Variants in DOK1 observed in about 807,000 individuals in gnomAD.
DOK1 encodes Downstream of tyrosine kinase 1.
A neutral mutation model predicts 24.0 loss-of-function variants in DOK1; 12 were observed. The observed-to-expected ratio is 0.50, with a 90% CI of 0.32 to 0.81. The LOEUF is 0.81. Ranked by LOEUF, DOK1 falls within the 30% of genes least tolerant of loss-of-function variation. The probability of loss-of-function intolerance (pLI) is 0.03; values close to 1 mark genes in which losing one functional copy is unlikely to be tolerated. For synonymous variants in DOK1, 250 were observed against 260.9 expected (o/e 0.96, Z 0.40); for missense variants, 591 against 620.7 (o/e 0.95, Z 0.51).
chr2:74,553,472 G>A (rs1335579531), upstream of DOK1, among the ~76,000 whole-genome samples: 1 of 152,182 alleles, frequency 6.6e-6, no homozygotes, highest in Non-Finnish European at 1.5e-5. Context: ...CCCTGTCACC[G>A]GGCAACGGGA....
upstream of DOK1, chr2:74,552,453 T>C: frequency 6.2e-7 from 1 of 1,613,858 alleles, no homozygotes; most frequent in Non-Finnish European, 8.5e-7. Flanking sequence ...ACCAGCTCGC[T>C]GTATCTCCAC....
chr2:74,549,338 C>T lies in DOK1; in HGVS notation c.-358+166C>T. On this transcript the variant is annotated intron_variant, in intron 1 of 4. Coordinates refer to the DOK1 transcript ENST00000409429. The surrounding 1 kb of genome is among the most constrained non-coding windows in gnomAD (Gnocchi z 5.3). ...TCATCAGGGAGCACCCCAATCCCGGCCTGCTCCGCCCGGCGCCCGCGGCCC... is the reference window on the plus strand; with the variant it reads ...TCATCAGGGAGCACCCCAATCCCGGTCTGCTCCGCCCGGCGCCCGCGGCCC... The T allele has an allele frequency of 6.5e-7, 1 of 1,538,550 alleles. No homozygotes were observed. Among genetic ancestry groups the T allele is most frequent in the Admixed American group, 2.0e-5 (1 of 50,930 alleles).
upstream of DOK1, chr2:74,554,493 C>A: frequency 3.6e-6 from 2 of 551,634 alleles, no homozygotes; most frequent in Non-Finnish European, 6.4e-6. The surrounding 1 kb of genome is among the most constrained non-coding windows in gnomAD (Gnocchi z 4.9). Flanking sequence ...CCAGGGCCCT[C>A]GCGCCAAAAC....
In DOK1 at chr2:74,556,738, A is replaced by T. The variant is rs41295954; in HGVS notation, c.1070A>T (p.Lys357Ile). 8 of 1,614,018 alleles carry T rather than the reference A, an allele frequency of 5.0e-6. No homozygotes were observed. Among genetic ancestry groups the T allele is most frequent in the African/African-American group, 1.3e-5 (1 of 74,908 alleles). The stretch of plus-strand genomic sequence containing the variant: ...CTGAAGGCCAAGCTGACAGACCCCA[A>T]AGAGGATCCCATCTATGATGAACCT... ...QLLKAKLTDP[K>I]EDPIYDEPEG... Residue 357 changes from lysine to isoleucine, a missense_variant, in exon 5 of 5, where the codon AAA becomes ATA. Physicochemically the swap from Lys to Ile is moderately radical, Grantham distance 102. Transcript: ENST00000233668. This position sits in a 1 kb window ranked among gnomAD's most constrained non-coding sequence, Gnocchi z 4.1.
At chr2:74,552,635 G>A (rs1488925147), upstream of DOK1, 2 of 1,543,154 alleles carry the variant, frequency 1.3e-6, no homozygotes, top group East Asian at 2.4e-5. Context: ...CAGGTCGCAT[G>A]GCAGGGAAGG....
chr2:74,555,392 T>G lies in DOK1; in HGVS notation c.299T>G (p.Leu100Arg). ...RLDTAQRSHLLAADAPSSAAW... is the reference protein window; with the variant it reads ...RLDTAQRSHLRAADAPSSAAW... ...GACACTGCTCAGCGCTCGCACCTGC[T>G]GGCGGCCGACGCGCCGTCCAGTGCA... The change falls in exon 2 of 5, where the codon CTG becomes CGG. Residue 100 changes from leucine to arginine, a missense_variant. Coordinates refer to ENST00000233668, the MANE Select transcript of DOK1 (RefSeq NM_001381.5). The surrounding 1 kb of genome is among the most constrained non-coding windows in gnomAD (Gnocchi z 6.1). The G allele has an allele frequency of 6.2e-7, 1 of 1,612,230 alleles. No individual in the cohort carries two copies. Among genetic ancestry groups the G allele is most frequent in the Non-Finnish European group, 8.5e-7 (1 of 1,179,548 alleles).
upstream of DOK1, chr2:74,549,967 C>T: frequency 1.0e-6 from 1 of 985,458 alleles, no homozygotes; most frequent in South Asian, 4.7e-5. The surrounding 1 kb of genome is among the most constrained non-coding windows in gnomAD (Gnocchi z 5.3). Context: ...AGGGATGAAG[C>T]TGGAGAGGCT....
At chr2:74,550,934 GTTTTTTT>G (rs1030182702), upstream of DOK1, among the ~76,000 whole-genome samples, 1 of 135,400 alleles carries the variant, frequency 7.4e-6, no homozygotes. Flanking sequence ...TCTGAAACCT[GTTTTTTT>G]TTTTTTTTTG....
Position 74,549,609 on chromosome 2 carries a change from A to G in DOK1, c.-358+437A>G, listed in dbSNP as rs770129432. 42 of 1,591,640 alleles carry G rather than the reference A, an allele frequency of 2.6e-5. No homozygotes were observed. Among genetic ancestry groups the G allele is most frequent in the East Asian group, 1.6e-4 (7 of 44,308 alleles). On this transcript the variant is annotated intron_variant, in intron 1 of 4. Transcript: ENST00000409429. This position sits in a 1 kb window ranked among gnomAD's most constrained non-coding sequence, Gnocchi z 5.3. The stretch of plus-strand genomic sequence containing the variant: ...CTGGGGGCGGGGCCACAAGCAGGGA[A>G]AGAATCCCAGTGGCACCTTTCATGT...
At chr2:74,549,829 G>C, upstream of DOK1, 3 of 985,416 alleles carry the variant, frequency 3.0e-6, no homozygotes, top group African/African-American at 5.2e-5. This position sits in a 1 kb window ranked among gnomAD's most constrained non-coding sequence, Gnocchi z 5.3. Flanking sequence ...CCCTCCCTGT[G>C]CCTGGAGCAG....
chr2:74,554,260 G>A (rs1677221626), upstream of DOK1: 1 of 156,102 alleles, frequency 6.4e-6, no homozygotes, highest in African/African-American at 2.4e-5. The surrounding 1 kb of genome is among the most constrained non-coding windows in gnomAD (Gnocchi z 4.9). Context: ...CGGTGGTGGC[G>A]GGAAGCGGTT....
At position 74,555,032 on chromosome 2, in the gene DOK1, C is replaced by T; in HGVS notation, c.61-122C>T. ...GTGGCATCGTCCTTGGGAAACTTCG[C>T]CCCCAACCCCGTTTGGAAGCCCCAG... On this transcript the variant is annotated intron_variant, in intron 1 of 4. Transcript: ENST00000233668. This position sits in a 1 kb window ranked among gnomAD's most constrained non-coding sequence, Gnocchi z 6.1. 7.1e-7 allele frequency: 1 copy of T among 1,412,764 alleles called. No individual in the cohort carries two copies. Among genetic ancestry groups the T allele is most frequent in the Non-Finnish European group, 9.5e-7 (1 of 1,050,240 alleles). The allele number at this position is 1,412,764 out of a possible 1,614,324, so 87.5% of individuals were successfully genotyped here. A position where few individuals can be genotyped will look rare whatever the true frequency, so the allele number is the denominator to read the frequency against.
upstream of DOK1, chr2:74,554,415 A>T (rs1677240293): frequency 6.1e-6 from 2 of 328,892 alleles, no homozygotes; most frequent in South Asian, 4.0e-5. The surrounding 1 kb of genome is among the most constrained non-coding windows in gnomAD (Gnocchi z 4.9). Flanking sequence ...TTTCGGGGTG[A>T]TGTCATGGCT....
Position 74,557,339 on chromosome 2 carries a change from A to C in DOK1, c.*225A>C, listed in dbSNP as rs1677555961. 2.0e-6 allele frequency: 1 copy of C among 501,166 alleles called. No homozygotes were observed. The highest frequency in any genetic ancestry group is 3.2e-5 in the South Asian group (1 of 31,564). 31.0% of individuals were successfully genotyped at this position (501,166 alleles called of 1,614,324 possible). On this transcript the variant is annotated 3_prime_UTR_variant, in exon 5 of 5. Transcript: ENST00000233668. Reference sequence around the variant, plus strand: ...GATGGGCTCTGCATCCCCCAAAGCCATCCCTTCCCTACTTCCCCAAATGAA... The same window carrying C: ...GATGGGCTCTGCATCCCCCAAAGCCCTCCCTTCCCTACTTCCCCAAATGAA...
chr2:74,549,432 CT>C lies in DOK1; in HGVS notation c.-358+261del. ...GCCCAGCATCCCGCAGACCACGTGG[CT>C]GTTGTGGGCGCTCCAGCCTTTGTCG... On this transcript the variant is annotated intron_variant, in intron 1 of 4. Transcript: ENST00000409429. The surrounding 1 kb of genome is among the most constrained non-coding windows in gnomAD (Gnocchi z 5.3). 1 of 1,613,190 alleles carries C rather than the reference CT, an allele frequency of 6.2e-7. No individual in the cohort carries two copies. The highest frequency in any genetic ancestry group is 8.5e-7 in the Non-Finnish European group (1 of 1,179,614).
At chr2:74,550,840 C>T (rs981272942), upstream of DOK1, among the ~76,000 whole-genome samples, 1 of 151,996 alleles carries the variant, frequency 6.6e-6, no homozygotes, top group Non-Finnish European at 1.5e-5. Context: ...GCTTGGATGT[C>T]TAAGATCCTT....
upstream of DOK1, chr2:74,552,732 A>G: frequency 8.5e-7 from 1 of 1,174,406 alleles, no homozygotes; most frequent in Non-Finnish European, 1.2e-6. Context: ...GTCACGAAAG[A>G]AAAACAGACA....
At chr2:74,554,686 A>T, upstream of DOK1, 1 of 1,518,190 alleles carries the variant, frequency 6.6e-7, no homozygotes, top group East Asian at 2.3e-5. The surrounding 1 kb of genome is among the most constrained non-coding windows in gnomAD (Gnocchi z 4.9). Context: ...CCTCCAGGGA[A>T]CCCGGCCCCG....
At chr2:74,554,556 C>T (rs1446364182), upstream of DOK1, 7 of 602,214 alleles carry the variant, frequency 1.2e-5, no homozygotes, top group Admixed American at 1.8e-4. The surrounding 1 kb of genome is among the most constrained non-coding windows in gnomAD (Gnocchi z 4.9). Context: ...GGGTAGGGGC[C>T]TGGGGTGCTG....
Sources: allele counts gnomAD v4.1 joint callset (sites outside exome capture counted in the v4.1 genomes callset), GRCh38; gene constraint gnomAD v4.1.1; non-coding constraint Gnocchi (gnomAD v3.1); transcripts MANE v1.5; gene names NCBI Gene and HGNC (gene_info 2026-07-23, HGNC 2026-07-21).